UBE3C: variants seen among roughly 807,000 people sequenced by gnomAD.
UBE3C encodes the protein ubiquitin protein ligase E3C, also known as ubiquitin-protein ligase E3C.
UBE3C carries 42 observed loss-of-function variants against 129.4 expected under a neutral mutation model. The ratio of observed to expected loss-of-function variants is 0.32; its 90% CI spans 0.25 to 0.42. The LOEUF (loss-of-function observed/expected upper bound fraction) is 0.42, where lower values mean the gene tolerates loss of function less well. UBE3C is among the 10% of genes least tolerant of loss of function. The pLI is 1.00. For synonymous variants in UBE3C, 510 were observed against 492.4 expected (o/e 1.04, Z -0.47); for missense variants, 1,049 against 1,319.1 (o/e 0.80, Z 3.17).
intron 13 of UBE3C, among the ~76,000 whole-genome samples, chr7:157,215,592 G>C (rs960359838): frequency 2.0e-5 from 3 of 149,192 alleles, no homozygotes; most frequent in African/African-American, 7.4e-5. Flanking sequence ...TAATCTAGCC[G>C]GTGGGTATAT....
At chr7:157,209,981 C>T (rs933700312) in intron 13 of UBE3C, among the ~76,000 whole-genome samples, 1 of 152,164 alleles carries the variant, frequency 6.6e-6, no homozygotes, top group Non-Finnish European at 1.5e-5. Flanking sequence ...GAGTTTGAGA[C>T]CAGCCTGGCC....
chr7:157,228,487 T>C (rs1259838034), intron 17 of UBE3C, among the ~76,000 whole-genome samples: 3 of 152,240 alleles, frequency 2.0e-5, no homozygotes, highest in Non-Finnish European at 4.4e-5. Context: ...TCATCAGTTC[T>C]GGAGAGCCTC....
intron 18 of UBE3C, among the ~76,000 whole-genome samples, chr7:157,244,667 TCA>T (rs2116671489): frequency 6.6e-6 from 1 of 152,334 alleles, no homozygotes; most frequent in African/African-American, 2.4e-5. Flanking sequence ...GTGATGTGGT[TCA>T]CATTTATTCT....
At chr7:157,192,817 A>G in intron 10 of UBE3C, 1 of 1,280,762 alleles carries the variant, frequency 7.8e-7, no homozygotes, top group Non-Finnish European at 1.1e-6. Flanking sequence ...GCTTCAACAA[A>G]CCAGAAGACA....
chr7:157,193,704 A>C (rs1227086670), intron 10 of UBE3C, among the ~76,000 whole-genome samples: 1 of 150,544 alleles, frequency 6.6e-6, no homozygotes, highest in East Asian at 1.9e-4. Context: ...ATTAGTAAGC[A>C]GACATTTGAA....
intron 2 of UBE3C, among the ~76,000 whole-genome samples, chr7:157,165,272 G>A (rs1808181948): frequency 6.6e-6 from 1 of 151,700 alleles, no homozygotes; most frequent in Non-Finnish European, 1.5e-5. Flanking sequence ...TTTGACCTTT[G>A]CGTCGTTTCC....
chr7:157,203,318 A>G (rs1326723709), intron 11 of UBE3C, among the ~76,000 whole-genome samples: 1 of 152,230 alleles, frequency 6.6e-6, no homozygotes, highest in Non-Finnish European at 1.5e-5. Context: ...GCAGAGACAA[A>G]AGACTCCTAC....
At chr7:157,147,213 T>C (rs1393562634) in intron 1 of UBE3C, among the ~76,000 whole-genome samples, 1 of 152,242 alleles carries the variant, frequency 6.6e-6, no homozygotes, top group African/African-American at 2.4e-5. Flanking sequence ...CTTTCATTGG[T>C]TATATAATTT....
intron 1 of UBE3C, among the ~76,000 whole-genome samples, chr7:157,158,172 G>A (rs1807969981): frequency 6.7e-6 from 1 of 149,280 alleles, no homozygotes. Flanking sequence ...AATTACAAGT[G>A]TGAGCCACTG....
At chr7:157,144,218 C>T (rs1807538522) in intron 1 of UBE3C, among the ~76,000 whole-genome samples, 2 of 152,174 alleles carry the variant, frequency 1.3e-5, no homozygotes. Flanking sequence ...ATCGCTGGAT[C>T]CCGGGAGTTC....
chr7:157,163,102 A>G (rs544812999), intron 1 of UBE3C, among the ~76,000 whole-genome samples: 2 of 152,086 alleles, frequency 1.3e-5, no homozygotes, highest in African/African-American at 4.8e-5. Context: ...ATACCCAGAG[A>G]TGGCCGGGCG....
At chr7:157,216,795 T>C in intron 13 of UBE3C, 72 bp from the exon 14 acceptor site, 1 of 1,223,278 alleles carries the variant, frequency 8.2e-7, no homozygotes, top group Non-Finnish European at 1.2e-6. Flanking sequence ...CCTCCTCGAG[T>C]GAATGTATGG....
At position 157,267,836 on chromosome 7, in the gene UBE3C, C is replaced by A; in HGVS notation, c.*81C>A. 7.9e-7 allele frequency: 1 copy of A among 1,267,286 alleles called. No individual in the cohort carries two copies. The highest frequency in any genetic ancestry group is 1.1e-6 in the Non-Finnish European group (1 of 933,052). The allele number at this position is 1,267,286 out of a possible 1,614,324, so 78.5% of individuals were successfully genotyped here. ...GCCTCCCCAGACCCACGAGGATACT[C>A]ACACTGCACGCCTGAGGCTCTCCTA... On this transcript the variant is annotated 3_prime_UTR_variant, in exon 23 of 23. Transcript: ENST00000348165.
At chr7:157,173,416 G>A (rs139726036) in intron 4 of UBE3C, among the ~76,000 whole-genome samples, 209 of 152,276 alleles carry the variant, frequency 1.4e-3, no homozygotes, top group African/African-American at 4.7e-3. Flanking sequence ...TCTTAACGTA[G>A]GGGAAAATGT....
intron 1 of UBE3C, among the ~76,000 whole-genome samples, chr7:157,162,947 ATTC>A: frequency 6.6e-6 from 1 of 152,072 alleles, no homozygotes; most frequent in Middle Eastern, 3.4e-3. Flanking sequence ...TTTTCCTTTT[ATTC>A]TTTCACTTCC....
At chr7:157,247,472 A>G (rs1208386222) in intron 18 of UBE3C, among the ~76,000 whole-genome samples, 1 of 152,142 alleles carries the variant, frequency 6.6e-6, no homozygotes, top group African/African-American at 2.4e-5. Context: ...TGGGTGGATC[A>G]CCTGAGCTCA....
chr7:157,139,201 A>G lies in UBE3C; in HGVS notation c.-72A>G. The G allele has an allele frequency of 8.3e-7, 1 of 1,200,934 alleles. No individual in the cohort carries two copies. The highest frequency in any genetic ancestry group is 1.1e-6 in the Non-Finnish European group (1 of 947,452). 74.4% of individuals were successfully genotyped at this position (1,200,934 alleles called of 1,614,324 possible). On this transcript the variant is annotated 5_prime_UTR_variant, in exon 1 of 23. Transcript: ENST00000348165. The stretch of plus-strand genomic sequence containing the variant: ...GGCGGGCGGGCGCCGAGAGCCTCCC[A>G]GCCCGCCCCGTGCCCCGCCCGCCCG...
intron 1 of UBE3C, among the ~76,000 whole-genome samples, chr7:157,146,055 GTC>G (rs1178762742): frequency 6.6e-6 from 1 of 152,074 alleles, no homozygotes; most frequent in Non-Finnish European, 1.5e-5. Context: ...TTACATTTAG[GTC>G]TCTGATCCAT....
intron 14 of UBE3C, among the ~76,000 whole-genome samples, chr7:157,219,667 C>T (rs1795684653): frequency 6.6e-6 from 1 of 152,044 alleles, no homozygotes; most frequent in Non-Finnish European, 1.5e-5. Flanking sequence ...TTTGGGAGAC[C>T]GAAGTATGTG....
Sources: gnomAD v4.1 joint callset for allele counts (sites outside exome capture counted in the v4.1 genomes callset) on GRCh38, gnomAD v4.1.1 for gene constraint, MANE v1.5 for transcripts, NCBI Gene and HGNC (gene_info 2026-07-23, HGNC 2026-07-21) for gene names.